The following SUCO variants were observed in gnomAD, a reference collection of about 807,000 sequenced individuals.
SUCO encodes the protein SUN domain-containing ossification factor.
Under a neutral mutation model 148.1 loss-of-function variants are expected in SUCO, and 57 were observed. The ratio of observed to expected loss-of-function variants is 0.38; its 90% CI spans 0.31 to 0.48. The LOEUF (loss-of-function observed/expected upper bound fraction) is 0.48, where lower values mean the gene tolerates loss of function less well. SUCO is among the 20% of genes least tolerant of loss of function. The pLI is 0.96. For synonymous variants in SUCO, 470 were observed against 502.7 expected (o/e 0.93, Z 0.87); for missense variants, 1,331 against 1,468.2 (o/e 0.91, Z 1.53).
At chr1:172,534,878 A>G (rs1651898476) in intron 1 of SUCO, among the ~76,000 whole-genome samples, 2 of 152,122 alleles carry the variant, frequency 1.3e-5, no homozygotes, top group African/African-American at 2.4e-5. Context: ...CATGTTATTC[A>G]TCATCAAAAG....
intron 7 of SUCO, 112 bp from the exon 8 acceptor site, chr1:172,569,935 A>G (rs1011771624): frequency 9.6e-6 from 10 of 1,038,762 alleles, no homozygotes; most frequent in Non-Finnish European, 1.2e-5. Context: ...GTTAAAACCT[A>G]TTCTTTTCTA....
At chr1:172,576,314 C>T (rs1231711222) in intron 11 of SUCO, among the ~76,000 whole-genome samples, 3 of 151,600 alleles carry the variant, frequency 2.0e-5, no homozygotes, top group African/African-American at 7.2e-5. Context: ...GGCAGCAGTT[C>T]TAATTTCTAT....
At chr1:172,537,603 T>C (rs576396860) in intron 1 of SUCO, among the ~76,000 whole-genome samples, 29 of 152,106 alleles carry the variant, frequency 1.9e-4, no homozygotes, top group African/African-American at 7.0e-4. Flanking sequence ...AACCCATTGT[T>C]TGTGGGACTT....
chr1:172,589,806 G>A lies in SUCO; in HGVS notation c.2705G>A (p.Gly902Glu). ...QNSTDLGYANGNLVHGSNQKE... is the reference protein window; with the variant it reads ...QNSTDLGYANENLVHGSNQKE... The stretch of plus-strand genomic sequence containing the variant: ...TCTACAGATCTAGGATATGCTAATG[G>A]AAATCTTGTACATGGATCAAACCAA... The change falls in exon 18 of 24, where the codon GGA becomes GAA. Residue 902 changes from glycine to glutamate, a missense_variant. By Grantham distance (98) the Gly-to-Glu change is moderately conservative. This residue lies in a region of SUCO where 992 missense variants were observed against 1,093.5 expected (regional missense o/e 0.91). Coordinates refer to ENST00000263688, the MANE Select transcript of SUCO (RefSeq NM_014283.5). The A allele has an allele frequency of 2.5e-6, 4 of 1,611,674 alleles. No individual in the cohort carries two copies. The highest frequency in any genetic ancestry group is 3.4e-6 in the Non-Finnish European group (4 of 1,179,184).
chr1:172,541,070 A>G lies in SUCO; in HGVS notation c.62+7573A>G, dbSNP rs182940600. The stretch of plus-strand genomic sequence containing the variant: ...TTGGCTTTCCACATCCACAGATTCA[A>G]CCAACCTCAGGTTGAAAATATATTT... On this transcript the variant is annotated intron_variant, in intron 1 of 23. Coordinates refer to ENST00000263688, the MANE Select transcript of SUCO (RefSeq NM_014283.5). 3.0e-4 allele frequency among the ~76,000 whole-genome samples: 45 copies of G among 152,304 alleles called. No individual in the cohort carries two copies. The East Asian group carries it at 6.2e-3, about 21-fold the overall frequency.
rs868303554 is a variant in SUCO at position 172,603,030 on chromosome 1, A to G, written c.3265+243A>G. ...TAGCAGTTGGTAGCTTTGTTTGCAC[A>G]TGCTCCTGTTTAGAAGTATTTCTTT... On this transcript the variant is annotated intron_variant, in intron 22 of 23. Transcript: ENST00000263688. The G allele has an allele frequency of 9.8e-5, 42 of 428,384 alleles. 1 individual carries two copies. The South Asian group carries it at 1.1e-3, about 11-fold the overall frequency. 26.5% of individuals were successfully genotyped at this position (428,384 alleles called of 1,614,324 possible). A position where few individuals can be genotyped will look rare whatever the true frequency, so the allele number is the denominator to read the frequency against.
chr1:172,577,794 C>T lies in SUCO; in HGVS notation c.1315C>T (p.His439Tyr). ...VELLSHFGSE[H>Y]FCPLSLIRVF... ...GTTGCTATCACATTTTGGATCAGAG[C>T]ACTTTTGTCCATTAAGCCTTATAAG... Residue 439 changes from histidine to tyrosine, a missense_variant, in exon 13 of 24, where the codon CAC becomes TAC. This residue lies in a region of SUCO where 992 missense variants were observed against 1,093.5 expected (regional missense o/e 0.91). Transcript: ENST00000263688. 1.2e-6 allele frequency: 2 copies of T among 1,611,524 alleles called. No individual in the cohort carries two copies. The highest frequency in any genetic ancestry group is 1.7e-6 in the Non-Finnish European group (2 of 1,178,410).
chr1:172,537,424 C>T (rs540562860), intron 1 of SUCO, among the ~76,000 whole-genome samples: 1 of 151,964 alleles, frequency 6.6e-6, no homozygotes. Context: ...GGAGTCAGCC[C>T]TGTCATTTTC....
chr1:172,600,036 C>A lies in SUCO; in HGVS notation c.2914-28C>A, dbSNP rs114737033. On this transcript the variant is annotated intron_variant, in intron 19 of 23. Transcript: ENST00000263688. ...ATGTTAATAGTTTGTAGTTAATATT[C>A]AAAAAAAAATAAATTCCTTTATCAT... 753 of 1,422,926 alleles carry A rather than the reference C, an allele frequency of 5.3e-4. 4 individuals carry two copies. The African/African-American group carries it at 7.4e-3, about 14-fold the overall frequency. The allele number at this position is 1,422,926 out of a possible 1,614,324, so 88.1% of individuals were successfully genotyped here.
At chr1:172,585,808 G>T in intron 16 of SUCO, 50 bp from the exon 17 acceptor site, 3 of 1,247,842 alleles carry the variant, frequency 2.4e-6, no homozygotes, top group Non-Finnish European at 1.1e-6. Flanking sequence ...ATATTTTCAT[G>T]GTACAGCTTT....
chr1:172,533,133 C>G, upstream of SUCO: 4 of 1,439,938 alleles, frequency 2.8e-6, no homozygotes, highest in Non-Finnish European at 3.6e-6. Context: ...GCAAGGCCCC[C>G]GGCGGGCGGG....
chr1:172,554,853 A>G (rs562953654), intron 3 of SUCO, among the ~76,000 whole-genome samples: 8 of 152,062 alleles, frequency 5.3e-5, no homozygotes. Context: ...CAAGGCCTCC[A>G]TCATAAAAAT....
At chr1:172,549,538 A>G (rs1350502035) in intron 1 of SUCO, among the ~76,000 whole-genome samples, 3 of 151,954 alleles carry the variant, frequency 2.0e-5, no homozygotes, top group Non-Finnish European at 4.4e-5. Context: ...ATTGGATATC[A>G]TTTTTAAAAG....
upstream of SUCO, chr1:172,532,881 T>G (rs1571158976): frequency 6.7e-7 from 1 of 1,484,488 alleles, no homozygotes; most frequent in African/African-American, 1.4e-5. Flanking sequence ...GGGCGGGACC[T>G]GGGGCGGGCG....
chr1:172,553,170 A>G, intron 2 of SUCO, 90 bp from the exon 3 acceptor site: 2 of 1,357,932 alleles, frequency 1.5e-6, no homozygotes, highest in Non-Finnish European at 1.9e-6. Context: ...TTTTGGTTTT[A>G]AAGTATGGAA....
At chr1:172,543,066 T>A in intron 1 of SUCO, 1 of 940,646 alleles carries the variant, frequency 1.1e-6, no homozygotes, top group Non-Finnish European at 1.3e-6. Context: ...ACATGTAGAG[T>A]AGCTTCATAC....
At chr1:172,592,629 G>A (rs1656754067) in intron 19 of SUCO, among the ~76,000 whole-genome samples, 1 of 152,096 alleles carries the variant, frequency 6.6e-6, no homozygotes, top group Non-Finnish European at 1.5e-5. Context: ...CTGTTCCATT[G>A]GTCTATATCT....
At chr1:172,584,932 T>C in intron 15 of SUCO, 86 bp from the exon 16 acceptor site, 1 of 866,476 alleles carries the variant, frequency 1.2e-6, no homozygotes, top group South Asian at 2.0e-5. Flanking sequence ...AAAAGATCAT[T>C]CTAAATGATT....
chr1:172,541,250 G>A (rs1420093779), intron 1 of SUCO, among the ~76,000 whole-genome samples: 2 of 151,932 alleles, frequency 1.3e-5, no homozygotes, highest in Non-Finnish European at 2.9e-5. Flanking sequence ...ATCACCTCTA[G>A]ATATTTTAAA....
Sources: allele counts gnomAD v4.1 joint callset (sites outside exome capture counted in the v4.1 genomes callset), GRCh38; gene constraint gnomAD v4.1.1; regional missense constraint gnomAD v4.1.1; transcripts MANE v1.5; gene names NCBI Gene and HGNC (gene_info 2026-07-23, HGNC 2026-07-21).